NEDD9: variants seen among roughly 807,000 people sequenced by gnomAD.
The protein encoded by NEDD9 is neural precursor cell expressed, developmentally down-regulated 9, also known as enhancer of filamentation 1.
NEDD9 carries 26 observed loss-of-function variants against 76.6 expected under a neutral mutation model. The ratio of observed to expected loss-of-function variants is 0.34; its 90% CI spans 0.25 to 0.47. NEDD9 has a LOEUF of 0.47. NEDD9 is among the 20% of genes least tolerant of loss of function. The pLI is 1.00. For synonymous variants in NEDD9, 392 were observed against 414.2 expected, an observed-to-expected ratio of 0.95 and a Z score of 0.65; for missense variants, 937 against 1,058.5, an observed-to-expected ratio of 0.89 and a Z score of 1.59.
At chr6:11,187,375 CA>C (rs1758005450) in intron 6 of NEDD9, among the ~76,000 whole-genome samples, 1 of 152,332 alleles carries the variant, frequency 6.6e-6, no homozygotes, top group South Asian at 2.1e-4. Context: ...CTCCCCTACT[CA>C]TACCCAGCTT....
chr6:11,185,905 C>T (rs572767864), intron 6 of NEDD9, among the ~76,000 whole-genome samples: 39 of 152,304 alleles, frequency 2.6e-4, no homozygotes, highest in Non-Finnish European at 4.6e-4. Flanking sequence ...GTCTCTTGTA[C>T]CCTCTGGCTA....
At chr6:11,261,480 A>G (rs934187946) in intron 3 of NEDD9, among the ~76,000 whole-genome samples, 4 of 152,226 alleles carry the variant, frequency 2.6e-5, no homozygotes, top group Non-Finnish European at 4.4e-5. Context: ...GATTTTCATT[A>G]GCATATTTAT....
chr6:11,279,374 C>CA (rs1328063634), intron 3 of NEDD9, among the ~76,000 whole-genome samples: 9 of 152,316 alleles, frequency 5.9e-5, no homozygotes, highest in African/African-American at 2.2e-4. Flanking sequence ...GGTGCTTGGA[C>CA]AAACACTAGA....
At chr6:11,230,604 A>G (rs1759439814) in intron 1 of NEDD9, among the ~76,000 whole-genome samples, 1 of 152,230 alleles carries the variant, frequency 6.6e-6, no homozygotes. Context: ...AAAACTTTAT[A>G]AAAAAGGAAA....
At chr6:11,375,850 A>C (rs931978598) in intron 1 of NEDD9, among the ~76,000 whole-genome samples, 4 of 151,922 alleles carry the variant, frequency 2.6e-5, no homozygotes, top group African/African-American at 9.7e-5. Context: ...TTTGAGACGG[A>C]GTCTCACTCT....
chr6:11,326,767 GC>G (rs1470111606), intron 2 of NEDD9, among the ~76,000 whole-genome samples: 1 of 152,218 alleles, frequency 6.6e-6, no homozygotes, highest in Non-Finnish European at 1.5e-5. Context: ...AGCTGCCCCT[GC>G]CCCGTACCAT....
intron 1 of NEDD9, among the ~76,000 whole-genome samples, chr6:11,341,096 T>C (rs575347475): frequency 6.6e-6 from 1 of 152,322 alleles, no homozygotes; most frequent in African/African-American, 2.4e-5. Context: ...TTCTTTGGAT[T>C]ATGACCTGAA....
chr6:11,365,183 C>T (rs1304151742), intron 1 of NEDD9, among the ~76,000 whole-genome samples: 1 of 152,206 alleles, frequency 6.6e-6, no homozygotes, highest in Non-Finnish European at 1.5e-5. Context: ...ACCCTCACCC[C>T]TCCCTACCTT....
At chr6:11,234,360 G>A (rs116559614), upstream of NEDD9, among the ~76,000 whole-genome samples, 221 of 152,302 alleles carry the variant, frequency 1.5e-3, no homozygotes, top group Middle Eastern at 3.4e-3. Flanking sequence ...GATGAGTCTT[G>A]CGGCCTCCAA....
chr6:11,315,204 C>T (rs990271894), intron 2 of NEDD9, among the ~76,000 whole-genome samples: 3 of 152,180 alleles, frequency 2.0e-5, no homozygotes, highest in African/African-American at 7.2e-5. Context: ...GCTGTGGAGC[C>T]CTACCAAGAT....
intron 2 of NEDD9, among the ~76,000 whole-genome samples, chr6:11,320,816 G>T (rs548372422): frequency 1.3e-4 from 20 of 152,144 alleles, no homozygotes; most frequent in African/African-American, 4.3e-4. Context: ...TGTCATTTGG[G>T]GGCTGACAAC....
chr6:11,301,460 A>G (rs1049174624), intron 3 of NEDD9, among the ~76,000 whole-genome samples: 1 of 152,228 alleles, frequency 6.6e-6, no homozygotes, highest in East Asian at 1.9e-4. Context: ...CAGATCAATG[A>G]GACAGAAGGT....
chr6:11,331,877 T>C (rs1338236460), intron 2 of NEDD9, among the ~76,000 whole-genome samples: 1 of 152,200 alleles, frequency 6.6e-6, no homozygotes, highest in Non-Finnish European at 1.5e-5. Flanking sequence ...GGAGCTTTCC[T>C]GTGGCAGCAG....
At chr6:11,276,295 T>C (rs1333620991) in intron 3 of NEDD9, among the ~76,000 whole-genome samples, 2 of 152,252 alleles carry the variant, frequency 1.3e-5, no homozygotes, top group Non-Finnish European at 2.9e-5. Context: ...TACTACTTAA[T>C]TGGCATTCAT....
intron 2 of NEDD9, among the ~76,000 whole-genome samples, chr6:11,319,321 A>T (rs1466163942): frequency 6.6e-6 from 1 of 152,172 alleles, no homozygotes; most frequent in Non-Finnish European, 1.5e-5. Flanking sequence ...CTGTGCACTC[A>T]CACTCTCACA....
chr6:11,373,688 T>C (rs1318520070), intron 1 of NEDD9, among the ~76,000 whole-genome samples: 1 of 152,244 alleles, frequency 6.6e-6, no homozygotes, highest in Non-Finnish European at 1.5e-5. Context: ...ATGGATACAG[T>C]ATCTGAGATG....
intron 3 of NEDD9, among the ~76,000 whole-genome samples, chr6:11,303,231 C>G (rs994258573): frequency 3.3e-5 from 5 of 152,144 alleles, no homozygotes; most frequent in African/African-American, 1.2e-4. Flanking sequence ...AATAGACAAA[C>G]AGAGAGCCAA....
At chr6:11,336,578 A>G (rs556763850) in intron 1 of NEDD9, among the ~76,000 whole-genome samples, 4 of 152,186 alleles carry the variant, frequency 2.6e-5, no homozygotes, top group Non-Finnish European at 5.9e-5. Flanking sequence ...CAGGACTGGA[A>G]ATTGCTCTGG....
chr6:11,228,689 A>G (rs76425657), intron 1 of NEDD9, among the ~76,000 whole-genome samples: 18 of 152,342 alleles, frequency 1.2e-4, no homozygotes, highest in African/African-American at 4.3e-4. Flanking sequence ...CGCACTGTAC[A>G]ACTTGCTAAA....
Sources: allele counts gnomAD v4.1 joint callset (sites outside exome capture counted in the v4.1 genomes callset), GRCh38; gene constraint gnomAD v4.1.1; transcripts MANE v1.5; gene names NCBI Gene and HGNC (gene_info 2026-07-23, HGNC 2026-07-21).